Variants in IL1RAPL1 observed in about 807,000 individuals in gnomAD.
The protein encoded by IL1RAPL1 is interleukin-1 receptor accessory protein-like 1.
Under a neutral mutation model 48.4 loss-of-function variants are expected in IL1RAPL1, and 3 were observed. The observed-to-expected ratio is 0.06, with a 90% CI of 0.03 to 0.16. The LOEUF is 0.16. IL1RAPL1 is among the 10% of genes least tolerant of loss of function. The pLI is 1.00. For synonymous variants in IL1RAPL1, 185 were observed against 187.7 expected, an observed-to-expected ratio of 0.99 and a Z score of 0.12; for missense variants, 349 against 530.6, an observed-to-expected ratio of 0.66 and a Z score of 3.36.
At position 29,832,179 on chromosome X, in the gene IL1RAPL1, G is replaced by T. The variant is rs112964225; in HGVS notation, c.779-85285G>T. On this transcript the variant is annotated intron_variant, in intron 6 of 10. Coordinates refer to ENST00000378993, the MANE Select transcript of IL1RAPL1 (RefSeq NM_014271.4). ...ATACTTTGGATTCTAGGTATCCTTG[G>T]TGCAAATGATTTAATGAACATGTGC... Among the ~76,000 whole-genome samples the T allele has an allele frequency of 5.0e-3, 559 of 111,618 alleles. 3 individuals are homozygous for T. The highest frequency in any genetic ancestry group is 0.017 in the African/African-American group (537 of 30,810).
chrX:29,855,492 C>T (rs1383092907), intron 6 of IL1RAPL1, among the ~76,000 whole-genome samples: 1 of 111,550 alleles, frequency 9.0e-6, no homozygotes, highest in Non-Finnish European at 1.9e-5. Context: ...ATATAATTAT[C>T]TCAAGGCTCT....
At chrX:28,842,078 G>C in intron 2 of IL1RAPL1, among the ~76,000 whole-genome samples, 1 of 109,720 alleles carries the variant, frequency 9.1e-6, no homozygotes, top group Non-Finnish European at 1.9e-5. Flanking sequence ...GGCTTACCCT[G>C]GTTTGTCACC....
chrX:28,952,661 A>G (rs991323273), intron 2 of IL1RAPL1, among the ~76,000 whole-genome samples: 6 of 111,383 alleles, frequency 5.4e-5, no homozygotes, highest in African/African-American at 1.9e-4. Context: ...ATGTTGACAT[A>G]TTTGACTCGA....
chrX:29,371,126 CTT>C (rs1168566971), intron 3 of IL1RAPL1, among the ~76,000 whole-genome samples: 1 of 56,720 alleles, frequency 1.8e-5, no homozygotes, highest in African/African-American at 7.4e-5. Flanking sequence ...TCTAAATGTA[CTT>C]TTTTTTTTTT....
chrX:29,825,012 C>T (rs947351980), intron 6 of IL1RAPL1, among the ~76,000 whole-genome samples: 2 of 110,624 alleles, frequency 1.8e-5, no homozygotes, highest in African/African-American at 6.6e-5. Context: ...TTCTCATCCA[C>T]TAAAACAGTA....
At chrX:29,854,059 TCTC>T (rs1931430698) in intron 6 of IL1RAPL1, among the ~76,000 whole-genome samples, 1 of 111,990 alleles carries the variant, frequency 8.9e-6, no homozygotes, top group Admixed American at 9.5e-5. Flanking sequence ...CCTCTCTCAT[TCTC>T]CTTCCAAATT....
intron 6 of IL1RAPL1, among the ~76,000 whole-genome samples, chrX:29,688,507 C>T (rs1005266596): frequency 5.4e-5 from 6 of 111,773 alleles, no homozygotes; most frequent in Non-Finnish European, 1.1e-4. Flanking sequence ...ATTATATCTG[C>T]CAAGACCCTT....
chrX:29,406,163 G>T, intron 5 of IL1RAPL1, among the ~76,000 whole-genome samples: 1 of 111,461 alleles, frequency 9.0e-6, no homozygotes, highest in Non-Finnish European at 1.9e-5. Flanking sequence ...GCCGAGGTGG[G>T]CGGATCACAA....
chrX:29,594,167 TTGTC>T (rs1372902707), intron 5 of IL1RAPL1, among the ~76,000 whole-genome samples: 6 of 112,255 alleles, frequency 5.3e-5, no homozygotes, highest in Non-Finnish European at 7.5e-5. Flanking sequence ...ATCTTTCTTT[TTGTC>T]TGTCTTTTTT....
rs530904080 is a variant in IL1RAPL1 at position 29,544,345 on chromosome X, A to T, written c.704-124085A>T. Among the ~76,000 whole-genome samples, 7 of 112,198 alleles carry T rather than the reference A, an allele frequency of 6.2e-5. No homozygotes were observed. The South Asian group carries it at 2.2e-3, about 35-fold the overall frequency. The stretch of plus-strand genomic sequence containing the variant: ...CTTATTCATGTTGATTGGATTCGTA[A>T]ACGATCAAAAGTTGCTCAGTGCTAT... On this transcript the variant is annotated intron_variant, in intron 5 of 10. Transcript: ENST00000378993.
intron 6 of IL1RAPL1, among the ~76,000 whole-genome samples, chrX:29,781,070 GA>G (rs966725675): frequency 1.2e-4 from 13 of 111,326 alleles, no homozygotes; most frequent in Non-Finnish European, 2.5e-4. Flanking sequence ...AAGTTTTCAA[GA>G]AGGCCAAGCA....
intron 2 of IL1RAPL1, among the ~76,000 whole-genome samples, chrX:29,186,292 T>C (rs1930250825): frequency 8.9e-6 from 1 of 112,010 alleles, no homozygotes; most frequent in African/African-American, 3.2e-5. Context: ...TAAGTCTTCT[T>C]TGTGACCAAC....
At chrX:29,089,927 G>A (rs1038323528) in intron 2 of IL1RAPL1, among the ~76,000 whole-genome samples, 1 of 104,484 alleles carries the variant, frequency 9.6e-6, no homozygotes, top group East Asian at 3.1e-4. Context: ...AAATTGTAGG[G>A]CTTCATTTCC....
At chrX:29,259,585 A>G (rs962879076) in intron 2 of IL1RAPL1, among the ~76,000 whole-genome samples, 4 of 111,314 alleles carry the variant, frequency 3.6e-5, no homozygotes, top group Non-Finnish European at 7.5e-5. Context: ...AACATATAAG[A>G]TTAATCATGA....
At chrX:29,328,640 TATAG>T (rs1355736775) in intron 3 of IL1RAPL1, among the ~76,000 whole-genome samples, 5 of 100,757 alleles carry the variant, frequency 5.0e-5, no homozygotes, top group African/African-American at 2.0e-4. Flanking sequence ...TGTATATATA[TATAG>T]AGAGAGAGAG....
chrX:29,505,402 T>A (rs140926924), intron 5 of IL1RAPL1, among the ~76,000 whole-genome samples: 1 of 111,842 alleles, frequency 8.9e-6, no homozygotes, highest in Admixed American at 9.4e-5. Context: ...ATCGAAGAAC[T>A]CTCTTTTGCA....
intron 6 of IL1RAPL1, among the ~76,000 whole-genome samples, chrX:29,906,505 ATATATATATATATAT>A (rs1932633390): frequency 2.7e-5 from 1 of 36,514 alleles, no homozygotes; most frequent in Non-Finnish European, 4.9e-5. Context: ...ATATATATAT[ATATATATATATATAT>A]ATTTCTGTAG....
chrX:29,414,818 T>C (rs1279546571), intron 5 of IL1RAPL1, among the ~76,000 whole-genome samples: 1 of 112,099 alleles, frequency 8.9e-6, no homozygotes, highest in Non-Finnish European at 1.9e-5. Context: ...GCACTTTATA[T>C]TAACTGCTTT....
rs372131513 is a variant in IL1RAPL1, at chrX:28,745,205, A to G, written c.-24-44115A>G. Among the ~76,000 whole-genome samples the G allele has an allele frequency of 2.1e-4, 23 of 111,866 alleles. No individual in the cohort carries two copies. In the East Asian group the frequency reaches 5.7e-3, roughly 28 times the overall value. ...TGGCAGAACAGGTTAATGAAATACC[A>G]TGATACTGATCATCTCAGCCTTTAG... On this transcript the variant is annotated intron_variant, in intron 1 of 10. Coordinates refer to ENST00000378993, the MANE Select transcript of IL1RAPL1 (RefSeq NM_014271.4).
Sources: allele counts gnomAD v4.1 joint callset (sites outside exome capture counted in the v4.1 genomes callset), GRCh38; gene constraint gnomAD v4.1.1; transcripts MANE v1.5; gene names NCBI Gene and HGNC (gene_info 2026-07-23, HGNC 2026-07-21).